Variants in PTPN3 observed in about 807,000 individuals in gnomAD.
PTPN3 encodes the protein protein tyrosine phosphatase non-receptor type 3.
In PTPN3, 96 loss-of-function variants were observed where a neutral mutation model predicts 132.7. That is an observed-to-expected ratio of 0.72 (90% confidence interval 0.61 to 0.86). The LOEUF (loss-of-function observed/expected upper bound fraction) is 0.86. PTPN3 is among the 40% of genes least tolerant of loss of function. The pLI, the probability that PTPN3 is intolerant of heterozygous loss-of-function variation, is 0.00. For missense variants in PTPN3, 1,125 were observed against 1,159.6 expected (o/e 0.97, Z 0.43); for synonymous variants, 398 against 429.0 (o/e 0.93, Z 0.89).
chr9:109,505,868 G>A, the PTPN3 span, among the ~76,000 whole-genome samples: 3 of 151,786 alleles, frequency 2.0e-5, no homozygotes, highest in Non-Finnish European at 4.4e-5. Context: ...TTCTGCCTCA[G>A]CCTCCCGAGT....
intron 16 of PTPN3, 44 bp downstream of exon 16, chr9:109,409,955 A>T: frequency 6.2e-7 from 1 of 1,603,100 alleles, no homozygotes; most frequent in Non-Finnish European, 8.5e-7. Flanking sequence ...TCATTGAAAG[A>T]TTGCTTCCCA....
intron 19 of PTPN3, among the ~76,000 whole-genome samples, chr9:109,403,642 C>G (rs969528574): frequency 3.9e-5 from 6 of 152,178 alleles, no homozygotes; most frequent in African/African-American, 1.4e-4. Context: ...GAGTTCATGA[C>G]TGGCCTGGGC....
intron 22 of PTPN3, among the ~76,000 whole-genome samples, chr9:109,387,375 G>T (rs145708126): frequency 8.9e-4 from 136 of 152,270 alleles, no homozygotes; most frequent in African/African-American, 3.2e-3. Context: ...AAGAGCAAGG[G>T]GGATTATAGA....
intron 1 of PTPN3, among the ~76,000 whole-genome samples, chr9:109,484,065 C>T (rs1847091538): frequency 6.6e-6 from 1 of 152,244 alleles, no homozygotes; most frequent in African/African-American, 2.4e-5. Context: ...GAGCTGCCAT[C>T]TTTTGGTGCC....
At chr9:109,447,882 C>T (rs1011686886) in intron 6 of PTPN3, among the ~76,000 whole-genome samples, 4 of 152,150 alleles carry the variant, frequency 2.6e-5, no homozygotes, top group Non-Finnish European at 4.4e-5. Context: ...ACGTAGGACA[C>T]GAACAGCCCT....
intron 14 of PTPN3, 47 bp downstream of exon 14, chr9:109,420,377 C>A (rs376777772): frequency 1.1e-5 from 17 of 1,533,350 alleles, no homozygotes; most frequent in Middle Eastern, 4.6e-4. Context: ...AATTCCGCAA[C>A]AGCCAAAAAG....
chr9:109,388,560 G>A, intron 22 of PTPN3, among the ~76,000 whole-genome samples: 1 of 152,182 alleles, frequency 6.6e-6, no homozygotes, highest in East Asian at 1.9e-4. Flanking sequence ...CACGGAGCTG[G>A]CGGACAGCAG....
intron 17 of PTPN3, 30 bp downstream of exon 17, chr9:109,408,291 C>T (rs188060381): frequency 2.6e-5 from 39 of 1,491,418 alleles, no homozygotes; most frequent in East Asian, 1.9e-4. Context: ...CAAACAAACA[C>T]GAGGAATAAC....
chr9:109,450,580 G>C (rs1044518502), intron 5 of PTPN3: 1 of 984,940 alleles, frequency 1.0e-6, no homozygotes, highest in African/African-American at 1.7e-5. Context: ...AACTAGAATA[G>C]TGGAACCCAA....
the PTPN3 span, chr9:109,533,899 A>C: frequency 1.3e-6 from 1 of 755,282 alleles, no homozygotes; most frequent in Non-Finnish European, 2.4e-6. Context: ...AGCATCTATA[A>C]GGGTTACGGT....
In PTPN3 at chr9:109,455,869, CCA is replaced by C. The variant is rs1216897520; in HGVS notation, c.290-1297_290-1296del. Among the ~76,000 whole-genome samples the C allele has an allele frequency of 3.3e-5, 5 of 152,294 alleles. No homozygotes were observed. In the East Asian group the frequency reaches 7.7e-4, roughly 24 times the overall value. ...TCCCAGGGCTTAGCCCAGCACCTTG[CCA>C]CAGTCTGAGCTCAGGATACGTTCAC... is the stretch of plus-strand genomic sequence containing the variant. On this transcript the variant is annotated intron_variant, in intron 4 of 25. Transcript: ENST00000374541.
chr9:109,446,703 A>G (rs1198868315), intron 6 of PTPN3, among the ~76,000 whole-genome samples: 1 of 152,226 alleles, frequency 6.6e-6, no homozygotes, highest in African/African-American at 2.4e-5. Flanking sequence ...TCTAGATGGA[A>G]GAAACAATCC....
At chr9:109,451,389 G>T in intron 5 of PTPN3, 1 of 968,448 alleles carries the variant, frequency 1.0e-6, no homozygotes, top group Non-Finnish European at 1.2e-6. Flanking sequence ...CCCTTCTTAA[G>T]ATGGAAGGTG....
At chr9:109,461,925 C>T (rs1588466843) in intron 2 of PTPN3, among the ~76,000 whole-genome samples, 1 of 152,200 alleles carries the variant, frequency 6.6e-6, no homozygotes, top group South Asian at 2.1e-4. Context: ...AAAGTGGCTT[C>T]TGAAGAAACA....
rs1011722608 is a variant in PTPN3, at chr9:109,440,606, A to G, written c.467-2372T>C. Reference sequence around the variant, plus strand: ...GCAGCAATCATGTCCCCAAAGGCCAACCAAATGCTGTAAATGACTTTTCCT... The same window carrying G: ...GCAGCAATCATGTCCCCAAAGGCCAGCCAAATGCTGTAAATGACTTTTCCT... On this transcript the variant is annotated intron_variant, in intron 7 of 25. Transcript: ENST00000374541. 1.8e-4 allele frequency among the ~76,000 whole-genome samples: 27 copies of G among 152,204 alleles called. 1 individual carries two copies. The highest frequency in any genetic ancestry group is 1.5e-3 in the Admixed American group (23 of 15,284).
chr9:109,391,117 T>C lies in PTPN3; in HGVS notation c.2106+21A>G, dbSNP rs769120819. The C allele has an allele frequency of 5.0e-6, 8 of 1,601,840 alleles. No individual in the cohort carries two copies. The Admixed American group carries it at 1.3e-4, about 27-fold the overall frequency. ...ACAGTGGTGAATGTGCTCTTAAGCA[T>C]CATCCAGATTCCTAACTTACGTTCA... On this transcript the variant is annotated intron_variant, in intron 21 of 25. Coordinates refer to ENST00000374541, the MANE Select transcript of PTPN3 (RefSeq NM_002829.4).
At chr9:109,423,146 C>A (rs988776694) in intron 12 of PTPN3, among the ~76,000 whole-genome samples, 1 of 152,218 alleles carries the variant, frequency 6.6e-6, no homozygotes, top group Admixed American at 6.5e-5. Flanking sequence ...CAGGATCACA[C>A]AGAAATACAG....
intron 7 of PTPN3, among the ~76,000 whole-genome samples, chr9:109,441,137 C>A (rs1390711195): frequency 6.6e-6 from 1 of 152,212 alleles, no homozygotes; most frequent in Admixed American, 6.5e-5. Context: ...ACTTACTATA[C>A]TATATGCTCC....
the PTPN3 span, among the ~76,000 whole-genome samples, chr9:109,535,421 T>C: frequency 6.6e-6 from 1 of 152,216 alleles, no homozygotes; most frequent in Non-Finnish European, 1.5e-5. Flanking sequence ...TCTCCCAGGA[T>C]AAGTAAAGTC....
Sources: gnomAD v4.1 joint callset for allele counts (sites outside exome capture counted in the v4.1 genomes callset) on GRCh38, gnomAD v4.1.1 for gene constraint, MANE v1.5 for transcripts, NCBI Gene and HGNC (gene_info 2026-07-23, HGNC 2026-07-21) for gene names.